Variants in COX10 observed in about 807,000 individuals in gnomAD.
COX10 encodes the protein protoheme IX farnesyltransferase, mitochondrial.
A neutral mutation model predicts 37.3 loss-of-function variants in COX10; 27 were observed. The ratio of observed to expected loss-of-function variants is 0.72; its 90% CI spans 0.53 to 1.00. COX10 has a LOEUF of 1.00. COX10 is among the 50% of genes least tolerant of loss of function. The pLI is 0.00. For synonymous variants in COX10, 222 were observed against 229.1 expected, an observed-to-expected ratio of 0.97 and a Z score of 0.28; for missense variants, 475 against 563.2, an observed-to-expected ratio of 0.84 and a Z score of 1.59.
At chr17:14,155,694 G>T (rs1296477566) in intron 4 of COX10, among the ~76,000 whole-genome samples, 1 of 149,808 alleles carries the variant, frequency 6.7e-6, no homozygotes, top group Non-Finnish European at 1.5e-5. Context: ...CAGCCTGGGC[G>T]ATAGAGTGAG....
At chr17:14,198,639 C>T (rs188374670) in intron 6 of COX10, among the ~76,000 whole-genome samples, 1 of 152,230 alleles carries the variant, frequency 6.6e-6, no homozygotes, top group East Asian at 1.9e-4. Context: ...GTTTTAGTAA[C>T]AAAAAGAGAA....
chr17:14,140,346 C>T (rs1904501359), intron 4 of COX10, among the ~76,000 whole-genome samples: 1 of 152,038 alleles, frequency 6.6e-6, no homozygotes, highest in Non-Finnish European at 1.5e-5. Flanking sequence ...TCAGAGTAAT[C>T]TTAGTTAACA....
At chr17:14,111,058 A>T (rs1000437958) in intron 4 of COX10, among the ~76,000 whole-genome samples, 1 of 152,074 alleles carries the variant, frequency 6.6e-6, no homozygotes, top group East Asian at 1.9e-4. Flanking sequence ...TTTAACCCAG[A>T]CTACCTTTTG....
intron 6 of COX10, among the ~76,000 whole-genome samples, chr17:14,196,679 G>A (rs1472200209): frequency 6.6e-6 from 1 of 152,150 alleles, no homozygotes; most frequent in African/African-American, 2.4e-5. Context: ...AATTGCAGAA[G>A]CCTGCCTTTA....
intron 4 of COX10, among the ~76,000 whole-genome samples, chr17:14,133,476 G>A (rs2142220865): frequency 6.6e-6 from 1 of 151,682 alleles, no homozygotes; most frequent in Non-Finnish European, 1.5e-5. Flanking sequence ...TGGGTATTAT[G>A]TCTATTTTTG....
chr17:14,094,818 A>G (rs1310442594), intron 3 of COX10, among the ~76,000 whole-genome samples: 1 of 152,192 alleles, frequency 6.6e-6, no homozygotes, highest in African/African-American at 2.4e-5. Flanking sequence ...TTAAGCCCTT[A>G]TTATTTACCA....
Position 14,104,242 on chromosome 17 carries a change from A to G in COX10, c.624+2000A>G, listed in dbSNP as rs142039001. Among the ~76,000 whole-genome samples the G allele has an allele frequency of 1.2e-3, 189 of 152,292 alleles. 2 individuals carry two copies. The highest frequency in any genetic ancestry group is 3.3e-3 in the East Asian group (17 of 5,178). On this transcript the variant is annotated intron_variant, in intron 4 of 6. Coordinates refer to ENST00000261643, the MANE Select transcript of COX10 (RefSeq NM_001303.4). ...TAAAAATCTCAACGATTCCCAGTAG[A>G]GTAGAATCCTAGTGTTATCATTATG...
intron 4 of COX10, among the ~76,000 whole-genome samples, chr17:14,118,246 G>A (rs755253289): frequency 2.6e-5 from 4 of 151,978 alleles, no homozygotes; most frequent in Admixed American, 6.6e-5. Flanking sequence ...ATGGACACAG[G>A]CCTGAGGGTA....
At chr17:14,135,749 T>C (rs1904344234) in intron 4 of COX10, among the ~76,000 whole-genome samples, 8 of 152,084 alleles carry the variant, frequency 5.3e-5, no homozygotes, top group Admixed American at 3.3e-4. Flanking sequence ...CCTATTGGAA[T>C]TTTTAGATTT....
chr17:14,092,856 C>A (rs1368003509), intron 3 of COX10, among the ~76,000 whole-genome samples: 1 of 152,124 alleles, frequency 6.6e-6, no homozygotes, highest in Non-Finnish European at 1.5e-5. Flanking sequence ...ATAATTTTGA[C>A]CTTTGAAATC....
intron 6 of COX10, among the ~76,000 whole-genome samples, chr17:14,193,735 C>T (rs568726689): frequency 1.1e-4 from 17 of 149,222 alleles, no homozygotes; most frequent in African/African-American, 1.9e-4. Context: ...CTCCCGGTCA[C>T]GTTCCTCTTC....
chr17:14,074,206 C>A, intron 1 of COX10, 117 bp from the exon 2 acceptor site: 2 of 1,039,196 alleles, frequency 1.9e-6, no homozygotes, highest in Non-Finnish European at 3.0e-6. Context: ...AGCTCTGACC[C>A]ATCACACAGT....
In COX10 at chr17:14,160,989, C is replaced by T. The variant is rs960357941; in HGVS notation, c.695+1042C>T. 3.3e-5 allele frequency among the ~76,000 whole-genome samples: 5 copies of T among 152,180 alleles called. No individual in the cohort carries two copies. The South Asian group carries it at 6.2e-4, about 19-fold the overall frequency. ...TATCTCAAGAGCTAAAAGCTGCTCT[C>T]GCCACTGGTAATGCTTTGGAATTTC... On this transcript the variant is annotated intron_variant, in intron 5 of 6. Coordinates refer to ENST00000261643, the MANE Select transcript of COX10 (RefSeq NM_001303.4).
chr17:14,129,306 A>G (rs1211555156), intron 4 of COX10, among the ~76,000 whole-genome samples: 2 of 151,896 alleles, frequency 1.3e-5, no homozygotes, highest in Non-Finnish European at 2.9e-5. Context: ...CAAAATATAT[A>G]AATATGTAAA....
intron 4 of COX10, among the ~76,000 whole-genome samples, chr17:14,135,869 G>A (rs1904346991): frequency 6.6e-6 from 1 of 151,882 alleles, no homozygotes; most frequent in Admixed American, 6.6e-5. Context: ...AAAAGAGCTT[G>A]GAATACAAGT....
intron 6 of COX10, among the ~76,000 whole-genome samples, chr17:14,195,684 A>G (rs1906347496): frequency 6.6e-6 from 1 of 152,240 alleles, no homozygotes; most frequent in Non-Finnish European, 1.5e-5. Flanking sequence ...TGCAAACTTC[A>G]GAGAACATGA....
At chr17:14,197,190 CTG>C (rs1906392103) in intron 6 of COX10, among the ~76,000 whole-genome samples, 2 of 149,924 alleles carry the variant, frequency 1.3e-5, no homozygotes, top group South Asian at 4.1e-4. Context: ...ATAGAAAACA[CTG>C]TGCATTTGAG....
At chr17:14,167,212 A>T (rs1905315905) in intron 5 of COX10, among the ~76,000 whole-genome samples, 1 of 152,190 alleles carries the variant, frequency 6.6e-6, no homozygotes, top group African/African-American at 2.4e-5. Flanking sequence ...GACCCTAAAG[A>T]TGTGACTGGA....
chr17:14,165,291 A>C (rs981314720), intron 5 of COX10, among the ~76,000 whole-genome samples: 12 of 152,128 alleles, frequency 7.9e-5, no homozygotes, highest in African/African-American at 2.9e-4. Context: ...TGCAGCAAAC[A>C]AGTCTGTTGG....
Sources: gnomAD v4.1 joint callset for allele counts (sites outside exome capture counted in the v4.1 genomes callset) on GRCh38, gnomAD v4.1.1 for gene constraint, MANE v1.5 for transcripts, NCBI Gene and HGNC (gene_info 2026-07-23, HGNC 2026-07-21) for gene names.